Variants in STARD13 observed in about 807,000 individuals in gnomAD.
The protein encoded by STARD13 is StAR related lipid transfer domain containing 13.
In STARD13, 62 loss-of-function variants were observed where a neutral mutation model predicts 106.4. That is an observed-to-expected ratio of 0.58 (90% CI 0.48 to 0.72). STARD13 has a LOEUF of 0.72. STARD13 is among the 30% of genes least tolerant of loss of function. STARD13 has a pLI of 0.00. For synonymous variants in STARD13, 565 were observed against 553.0 expected (o/e 1.02, Z -0.31); for missense variants, 1,387 against 1,424.0 (o/e 0.97, Z 0.42).
intron 1 of STARD13, chr13:33,279,459 A>G (rs1416959022): frequency 1.3e-5 from 2 of 152,220 alleles, no homozygotes; most frequent in East Asian, 3.8e-4. Context: ...TATTTACTTA[A>G]GCTAAAGTTA....
At chr13:33,111,754 C>T (rs565916274) in intron 10 of STARD13, 24 bp downstream of exon 10, 14 of 1,453,942 alleles carry the variant, frequency 9.6e-6, no homozygotes, top group Middle Eastern at 1.7e-4. Context: ...ACTAGGGAGG[C>T]GGAGGTTCGA....
At chr13:33,223,257 A>C (rs1888449602) in intron 1 of STARD13, among the ~76,000 whole-genome samples, 1 of 152,240 alleles carries the variant, frequency 6.6e-6, no homozygotes. Context: ...GTCCTTCAAG[A>C]ATGATGTTTT....
At position 33,285,564 on chromosome 13, in the gene STARD13, C is replaced by T; in HGVS notation, c.75G>A (p.Glu25=). 6.2e-7 allele frequency: 1 copy of T among 1,614,002 alleles called. No individual in the cohort carries two copies. The highest frequency in any genetic ancestry group is 8.5e-7 in the Non-Finnish European group (1 of 1,179,920). The part of the protein sequence containing the change: ...YLNSMTPEGQ[E]MYLRFDQTTR... ...TAGTCTGATCAAATCGCAAGTACATCTCCTGGCCCTCAGGTGTCATGGAAT... is the reference window on the plus strand; with the variant it reads ...TAGTCTGATCAAATCGCAAGTACATTTCCTGGCCCTCAGGTGTCATGGAAT... The change falls in exon 1 of 14, where the codon GAG becomes GAA. Residue 25 remains glutamate (E), a synonymous_variant. Transcript: ENST00000336934.
the STARD13 span, among the ~76,000 whole-genome samples, chr13:33,598,746 C>A: frequency 6.6e-6 from 1 of 152,240 alleles, no homozygotes; most frequent in South Asian, 2.1e-4. Flanking sequence ...AATGCAAACA[C>A]AGCCTCATGA....
At chr13:33,427,564 G>A in the STARD13 span, among the ~76,000 whole-genome samples, 1 of 152,000 alleles carries the variant, frequency 6.6e-6, no homozygotes, top group South Asian at 2.1e-4. Context: ...TATTTTTCAC[G>A]AGGGTCAAAC....
intron 1 of STARD13, among the ~76,000 whole-genome samples, chr13:33,183,741 A>T (rs1885469895): frequency 6.6e-6 from 1 of 152,106 alleles, no homozygotes; most frequent in Non-Finnish European, 1.5e-5. Context: ...GGTGATGAAC[A>T]AAGGATTAGG....
At chr13:33,673,653 C>T in the STARD13 span, among the ~76,000 whole-genome samples, 2 of 150,032 alleles carry the variant, frequency 1.3e-5, no homozygotes, top group Non-Finnish European at 2.9e-5. Flanking sequence ...AGCAATTCTC[C>T]TGCCTCAGCC....
chr13:33,542,365 A>G, the STARD13 span, among the ~76,000 whole-genome samples: 2 of 152,230 alleles, frequency 1.3e-5, no homozygotes, highest in Non-Finnish European at 2.9e-5. Context: ...CTCTTATACC[A>G]TTAATTTTCC....
the STARD13 span, among the ~76,000 whole-genome samples, chr13:33,364,707 G>T: frequency 6.6e-6 from 1 of 152,196 alleles, no homozygotes; most frequent in African/African-American, 2.4e-5. Context: ...GGCTAACACG[G>T]TGAAACCCCG....
the STARD13 span, among the ~76,000 whole-genome samples, chr13:33,649,024 C>T: frequency 6.6e-6 from 1 of 151,920 alleles, no homozygotes; most frequent in East Asian, 1.9e-4. Flanking sequence ...GAACTCCCGA[C>T]CTGAGGTGAT....
At chr13:33,673,697 C>T in the STARD13 span, among the ~76,000 whole-genome samples, 1 of 149,538 alleles carries the variant, frequency 6.7e-6, no homozygotes, top group Non-Finnish European at 1.5e-5. Context: ...CACACACCAC[C>T]ACACCCAGCT....
the STARD13 span, among the ~76,000 whole-genome samples, chr13:33,616,051 G>A: frequency 4.6e-5 from 7 of 151,894 alleles, no homozygotes; most frequent in Non-Finnish European, 7.4e-5. Context: ...TAGTTCTGTC[G>A]AGGAAGCCAG....
intron 1 of STARD13, among the ~76,000 whole-genome samples, chr13:33,182,591 C>T (rs944006001): frequency 1.3e-5 from 2 of 151,302 alleles, no homozygotes; most frequent in East Asian, 3.9e-4. Context: ...AGCTGATGAG[C>T]TAAAAAAAAA....
upstream of STARD13, among the ~76,000 whole-genome samples, chr13:33,288,167 T>C (rs760563243): frequency 1.3e-5 from 2 of 152,106 alleles, no homozygotes; most frequent in Non-Finnish European, 1.5e-5. Context: ...GTGTTGAAAG[T>C]GCTGGGGTGT....
In STARD13 at chr13:33,118,149, C is replaced by T; in HGVS notation, c.2197G>A (p.Asp733Asn). 3.1e-6 allele frequency: 5 copies of T among 1,614,210 alleles called. No individual in the cohort carries two copies. Among genetic ancestry groups the T allele is most frequent in the Non-Finnish European group, 2.5e-6 (3 of 1,180,038 alleles). ...TCCCGGAAGAACTGTTTCACCATAT[C>T]CGCCACATCATAAGCAGACTGGTCT... Reference protein sequence around the residue: ...YEDQSAYDVADMVKQFFRDLP... With the variant: ...YEDQSAYDVANMVKQFFRDLP... Residue 733 changes from aspartate (D) to asparagine (N), a missense_variant, in exon 8 of 14, where the codon GAT becomes AAT. Physicochemically the swap from Asp to Asn is conservative, Grantham distance 23. Transcript: ENST00000336934.
chr13:33,382,407 A>G, the STARD13 span, among the ~76,000 whole-genome samples: 1 of 152,070 alleles, frequency 6.6e-6, no homozygotes, highest in Non-Finnish European at 1.5e-5. Context: ...CAGATCGCTG[A>G]TATCAACTCT....
At chr13:33,350,243 G>T in intron 1 of STARD13, 1 of 1,498,636 alleles carries the variant, frequency 6.7e-7, no homozygotes, top group South Asian at 1.3e-5. Context: ...CTACGGGGCC[G>T]GCGCCTCCCC....
At chr13:33,561,226 T>C in the STARD13 span, among the ~76,000 whole-genome samples, 1 of 151,492 alleles carries the variant, frequency 6.6e-6, no homozygotes, top group African/African-American at 2.4e-5. Context: ...TCCAGAACAT[T>C]GTTGATTTTG....
the STARD13 span, among the ~76,000 whole-genome samples, chr13:33,417,352 G>A: frequency 1.3e-5 from 2 of 152,170 alleles, no homozygotes; most frequent in African/African-American, 4.8e-5. Flanking sequence ...TTACCACAGG[G>A]CCCAGCATTC....
Sources: gnomAD v4.1 joint callset for allele counts (sites outside exome capture counted in the v4.1 genomes callset) on GRCh38, gnomAD v4.1.1 for gene constraint, MANE v1.5 for transcripts, NCBI Gene and HGNC (gene_info 2026-07-23, HGNC 2026-07-21) for gene names.